STX8: variants seen among roughly 807,000 people sequenced by gnomAD.
The protein encoded by STX8 is syntaxin 8, also known as syntaxin-8.
Under a neutral mutation model 37.5 loss-of-function variants are expected in STX8, and 23 were observed. The ratio of observed to expected loss-of-function variants is 0.61; its 90% CI spans 0.44 to 0.87. The LOEUF is 0.87. Ranked by LOEUF, STX8 falls within the 40% of genes least tolerant of loss-of-function variation. STX8 has a pLI of 0.00. For missense variants in STX8, 313 were observed against 284.7 expected (o/e 1.10, Z -0.71); for synonymous variants, 115 against 99.1 (o/e 1.16, Z -0.95).
chr17:9,426,221 T>G (rs1913623385), intron 6 of STX8, among the ~76,000 whole-genome samples: 1 of 151,902 alleles, frequency 6.6e-6, no homozygotes, highest in South Asian at 2.1e-4. Context: ...ACTGCTTAAG[T>G]GTAAGAGCTC....
chr17:9,482,396 T>A (rs182343177), intron 6 of STX8, among the ~76,000 whole-genome samples: 1 of 152,102 alleles, frequency 6.6e-6, no homozygotes, highest in Non-Finnish European at 1.5e-5. Flanking sequence ...TATACAACTA[T>A]TAAAATACAA....
rs540254257 is a variant in STX8 at position 9,288,934 on chromosome 17, G to A, written c.644-38289C>T. On this transcript the variant is annotated intron_variant, in intron 7 of 7. Transcript: ENST00000306357. Reference sequence around the variant, plus strand: ...AGGACATGAATTTTCAAACTGAAGCGTTCACAAAATACCCAACACAATAAC... The same window carrying A: ...AGGACATGAATTTTCAAACTGAAGCATTCACAAAATACCCAACACAATAAC... Among the ~76,000 whole-genome samples, 50 of 152,212 alleles carry A rather than the reference G, an allele frequency of 3.3e-4. No homozygotes were observed. The South Asian group carries it at 9.8e-3, about 30-fold the overall frequency.
chr17:9,403,337 C>A (rs1912691020), intron 6 of STX8, among the ~76,000 whole-genome samples: 2 of 152,276 alleles, frequency 1.3e-5, no homozygotes, highest in Admixed American at 6.5e-5. Context: ...GAAATAAAAT[C>A]TAATTGCAGT....
At chr17:9,379,871 G>C (rs1443600288) in intron 6 of STX8, among the ~76,000 whole-genome samples, 1 of 151,992 alleles carries the variant, frequency 6.6e-6, no homozygotes, top group Non-Finnish European at 1.5e-5. Context: ...GGGAGGCTGA[G>C]GCAGGAGAAT....
At chr17:9,554,782 G>T (rs1325224611) in intron 3 of STX8, 1 of 152,072 alleles carries the variant, frequency 6.6e-6, no homozygotes, top group Non-Finnish European at 1.5e-5. Context: ...GCGTGTGCCT[G>T]TAATCCCAGC....
At chr17:9,453,775 G>A (rs1479274289) in intron 6 of STX8, among the ~76,000 whole-genome samples, 1 of 152,140 alleles carries the variant, frequency 6.6e-6, no homozygotes, top group Non-Finnish European at 1.5e-5. Context: ...TTACAGGTGT[G>A]AGCCACCGTA....
At chr17:9,433,212 G>T (rs1914037768) in intron 6 of STX8, among the ~76,000 whole-genome samples, 1 of 152,180 alleles carries the variant, frequency 6.6e-6, no homozygotes, top group African/African-American at 2.4e-5. Flanking sequence ...CAAGGCATAC[G>T]CCTGGACCCC....
chr17:9,417,287 G>A (rs1913236518), intron 6 of STX8, among the ~76,000 whole-genome samples: 1 of 152,116 alleles, frequency 6.6e-6, no homozygotes, highest in South Asian at 2.1e-4. Flanking sequence ...CAGAGTTAGG[G>A]CCAAAGCTTT....
At chr17:9,421,285 G>A (rs898936020) in intron 6 of STX8, among the ~76,000 whole-genome samples, 3 of 151,302 alleles carry the variant, frequency 2.0e-5, no homozygotes, top group Admixed American at 6.6e-5. Flanking sequence ...CCAGCTACTC[G>A]GGAGGCTGAG....
In STX8 at chr17:9,507,822, T is replaced by A. The variant is rs574902962; in HGVS notation, c.324-2660A>T. Among the ~76,000 whole-genome samples, 1 of 152,230 alleles carries A rather than the reference T, an allele frequency of 6.6e-6. No homozygotes were observed. Among genetic ancestry groups the A allele is most frequent in the African/African-American group, 2.4e-5 (1 of 41,544 alleles). ...ACTCACAAATGTCACTGGCATGGAT[T>A]ACAGTTAAAGAAACTACACAAAAAC... On this transcript the variant is annotated intron_variant, in intron 4 of 7. Transcript: ENST00000306357. The surrounding 1 kb of genome is among the most constrained non-coding windows in gnomAD (Gnocchi z 4.0).
chr17:9,550,039 C>T (rs996986342), intron 3 of STX8, among the ~76,000 whole-genome samples: 11 of 151,972 alleles, frequency 7.2e-5, no homozygotes, highest in African/African-American at 1.9e-4. Flanking sequence ...CTGGACAACA[C>T]GGTGAAACCC....
chr17:9,556,798 C>A (rs1412543670), intron 3 of STX8: 9 of 74,860 alleles, frequency 1.2e-4, no homozygotes, highest in Admixed American at 4.0e-4. Context: ...TATATATACA[C>A]ATACATATAT....
chr17:9,559,760 A>ATTTATTTTTTT (rs1907144994), intron 2 of STX8, among the ~76,000 whole-genome samples: 1 of 24,492 alleles, frequency 4.1e-5, no homozygotes, highest in Non-Finnish European at 6.2e-5. Flanking sequence ...ATATATATAT[A>ATTTATTTTTTT]TTTTTTTTTT....
intron 2 of STX8, among the ~76,000 whole-genome samples, chr17:9,565,612 CAA>C (rs61319674): frequency 1.7e-3 from 125 of 72,672 alleles, no homozygotes; most frequent in Middle Eastern, 7.5e-3. Flanking sequence ...AACACCGTCT[CAA>C]AAAAAAAAAA....
At chr17:9,319,963 T>A (rs1184144388) in intron 7 of STX8, among the ~76,000 whole-genome samples, 7 of 150,076 alleles carry the variant, frequency 4.7e-5, no homozygotes, top group African/African-American at 1.7e-4. Flanking sequence ...AATAAATAAA[T>A]AAATAAATAA....
At chr17:9,337,676 G>A (rs926497665) in intron 7 of STX8, among the ~76,000 whole-genome samples, 5 of 152,120 alleles carry the variant, frequency 3.3e-5, no homozygotes, top group Admixed American at 6.6e-5. Context: ...CAGAACCTGC[G>A]TATTAACAAG....
At chr17:9,511,196 T>C (rs754787209) in intron 4 of STX8, among the ~76,000 whole-genome samples, 27 of 152,040 alleles carry the variant, frequency 1.8e-4, no homozygotes, top group Non-Finnish European at 2.8e-4. Context: ...GAAAAATGCA[T>C]ACCAATTCTT....
intron 7 of STX8, among the ~76,000 whole-genome samples, chr17:9,299,807 G>A (rs528127198): frequency 2.2e-4 from 34 of 152,280 alleles, no homozygotes; most frequent in African/African-American, 7.7e-4. Context: ...TAGAGTTACC[G>A]CTGTGTCTAG....
Position 9,470,923 on chromosome 17 carries a change from TG to T in STX8, c.541+20905del, listed in dbSNP as rs1442622300. On this transcript the variant is annotated intron_variant, in intron 6 of 7. Transcript: ENST00000306357. ...TTGTATTTTTTTTTTTTAGTAGAGA[TG>T]GGGTTTCACTGTGTTAGCCAGGATG... Among the ~76,000 whole-genome samples the T allele has an allele frequency of 2.7e-5, 4 of 149,868 alleles. No individual in the cohort carries two copies. The East Asian group carries it at 7.9e-4, about 30-fold the overall frequency.
Sources: gnomAD v4.1 joint callset for allele counts (sites outside exome capture counted in the v4.1 genomes callset) on GRCh38, gnomAD v4.1.1 for gene constraint, Gnocchi (gnomAD v3.1) non-coding constraint, MANE v1.5 for transcripts, NCBI Gene and HGNC (gene_info 2026-07-23, HGNC 2026-07-21) for gene names.